The following GALNT9 variants were observed in gnomAD, a reference collection of about 807,000 sequenced individuals.
GALNT9 encodes the protein polypeptide N-acetylgalactosaminyltransferase 9.
GALNT9 carries 47 observed loss-of-function variants against 63.1 expected under a neutral mutation model. The ratio of observed to expected loss-of-function variants is 0.75; its 90% CI spans 0.59 to 0.95. The LOEUF is 0.95. GALNT9 is among the 40% of genes least tolerant of loss of function. GALNT9 has a pLI of 0.00. For missense variants in GALNT9, 829 were observed against 874.8 expected (o/e 0.95, Z 0.66); for synonymous variants, 396 against 365.7 (o/e 1.08, Z -0.94).
At chr12:132,301,392 G>T (rs1242576243) in intron 1 of GALNT9, among the ~76,000 whole-genome samples, 2 of 152,276 alleles carry the variant, frequency 1.3e-5, no homozygotes, top group African/African-American at 4.8e-5. Context: ...CAGAAGTGCT[G>T]CTGTGGTGGG....
chr12:132,277,271 G>A (rs147126375), intron 2 of GALNT9: 135 of 154,948 alleles, frequency 8.7e-4, no homozygotes, highest in African/African-American at 1.8e-3. Context: ...ATCCACCCAC[G>A]TGGGACAAGA....
rs1555243262 is a variant in GALNT9, at chr12:132,296,516, C to T, written c.239-10086G>A. 6.6e-6 allele frequency among the ~76,000 whole-genome samples: 1 copy of T among 152,240 alleles called. No homozygotes were observed. The highest frequency in any genetic ancestry group is 2.4e-5 in the African/African-American group (1 of 41,460). On this transcript the variant is annotated intron_variant, in intron 1 of 10. Transcript: ENST00000328957. The surrounding 1 kb of genome is among the most constrained non-coding windows in gnomAD (Gnocchi z 4.2). ...CAACACTGCAAGCTTGTCATCTTATCCTTGAATAAGATGTAATTTTGAGAA... is the reference window on the plus strand; with the variant it reads ...CAACACTGCAAGCTTGTCATCTTATTCTTGAATAAGATGTAATTTTGAGAA...
At chr12:132,304,051 A>G (rs1289162990) in intron 1 of GALNT9, among the ~76,000 whole-genome samples, 4 of 26,004 alleles carry the variant, frequency 1.5e-4, no homozygotes, top group Admixed American at 4.8e-4. Flanking sequence ...ACACACCCTC[A>G]CCCGGGCACA....
At position 132,282,435 on chromosome 12, in the gene GALNT9, A is replaced by G. The variant is rs541321342; in HGVS notation, c.419+3815T>C. 5.3e-5 allele frequency among the ~76,000 whole-genome samples: 8 copies of G among 152,148 alleles called. No homozygotes were observed. The South Asian group carries it at 1.5e-3, about 28-fold the overall frequency. ...TGCGTGTGTGTGCGTGTGTGCGTGCATGCGTGTGTGTGCGTGTGCATGTGT... is the reference window on the plus strand; with the variant it reads ...TGCGTGTGTGTGCGTGTGTGCGTGCGTGCGTGTGTGTGCGTGTGCATGTGT... On this transcript the variant is annotated intron_variant, in intron 2 of 10. Transcript: ENST00000328957. The surrounding 1 kb of genome is among the most constrained non-coding windows in gnomAD (Gnocchi z 4.5).
At chr12:132,203,756 GGGCCCGTGAGA>G (rs1349625223) in intron 6 of GALNT9, 66 bp from the exon 7 acceptor site, 2 of 1,533,792 alleles carry the variant, frequency 1.3e-6, no homozygotes, top group Non-Finnish European at 1.7e-6. Flanking sequence ...GGCCAGCTAG[GGGCCCGTGAGA>G]GGCCAAGGGG....
intron 1 of GALNT9, among the ~76,000 whole-genome samples, chr12:132,308,400 C>T (rs976884931): frequency 3.3e-5 from 5 of 152,234 alleles, no homozygotes; most frequent in Admixed American, 3.3e-4. Context: ...GACCCCGAAA[C>T]ACCCTGCCCC....
chr12:132,286,286 G>A lies in GALNT9; in HGVS notation c.383C>T (p.Ser128Phe), dbSNP rs1742420525. The A allele has an allele frequency of 1.1e-5, 17 of 1,551,084 alleles. No individual in the cohort carries two copies. Among genetic ancestry groups the A allele is most frequent in the Non-Finnish European group, 1.5e-5 (17 of 1,146,886 alleles). ...GYNAQLSDRI[S>F]LDRSIPDYRP... ...GTAGTCGGGGATGCTCCGATCGAGG[G>A]AGATGCGGTCGCTGAGCTGAGCGTT... Residue 128 changes from serine to phenylalanine, a missense_variant, in exon 2 of 11, where the codon TCC (serine) becomes TTC (phenylalanine). By Grantham distance (155) the Ser-to-Phe change is radical. Coordinates refer to ENST00000328957, the MANE Select transcript of GALNT9 (RefSeq NM_001122636.2). This position sits in a 1 kb window ranked among gnomAD's most constrained non-coding sequence, Gnocchi z 7.4.
chr12:132,310,447 G>A lies in GALNT9; in HGVS notation c.238+18519C>T, dbSNP rs764014622. Among the ~76,000 whole-genome samples, 2 of 152,172 alleles carry A rather than the reference G, an allele frequency of 1.3e-5. No individual in the cohort carries two copies. The highest frequency in any genetic ancestry group is 2.9e-5 in the Non-Finnish European group (2 of 68,028). On this transcript the variant is annotated intron_variant, in intron 1 of 10. Transcript: ENST00000328957. The surrounding 1 kb of genome is among the most constrained non-coding windows in gnomAD (Gnocchi z 4.8). ...ACCCAACAGCCCCACCCAGAAGGAC[G>A]GGGCCGGCCATCTCCTGGAGGCTGA...
intron 10 of GALNT9, among the ~76,000 whole-genome samples, chr12:132,197,509 C>T (rs2135494254): frequency 6.6e-6 from 1 of 152,296 alleles, no homozygotes; most frequent in Non-Finnish European, 1.5e-5. Flanking sequence ...CTAAATCCTC[C>T]CTCTACCCTG....
intron 1 of GALNT9, among the ~76,000 whole-genome samples, chr12:132,322,738 C>T (rs1188944908): frequency 6.6e-6 from 1 of 152,162 alleles, no homozygotes; most frequent in East Asian, 1.9e-4. Context: ...CCTGGTGAGC[C>T]CAGGGGACCG....
chr12:132,197,155 C>T lies in GALNT9; in HGVS notation c.1764G>A (p.Ser588=), dbSNP rs763335985. Residue 588 remains serine (S), a synonymous_variant, in exon 11 of 11, where the codon TCG becomes TCA. Coordinates refer to ENST00000328957, the MANE Select transcript of GALNT9 (RefSeq NM_001122636.2). ...FGLRLVVQRC[S]GQKWMIRNWI... is the part of the protein sequence containing the mutation. Reference sequence around the variant, plus strand: ...AGTTTCTGATCATCCACTTCTGCCCCGAGCACCTCTGTACCACCAGCCGGA... The same window carrying T: ...AGTTTCTGATCATCCACTTCTGCCCTGAGCACCTCTGTACCACCAGCCGGA... The T allele has an allele frequency of 2.5e-5, 40 of 1,614,030 alleles. No homozygotes were observed. The highest frequency in any genetic ancestry group is 1.8e-4 in the South Asian group (16 of 91,090).
chr12:132,239,349 GTCAGAGAC>G (rs1878132822), intron 6 of GALNT9, among the ~76,000 whole-genome samples: 1 of 145,568 alleles, frequency 6.9e-6, no homozygotes, highest in Non-Finnish European at 1.5e-5. Context: ...CAGAGACAGA[GTCAGAGAC>G]AGAGAGAGAG....
intron 5 of GALNT9, among the ~76,000 whole-genome samples, chr12:132,254,180 C>T (rs2135538973): frequency 6.6e-6 from 1 of 152,096 alleles, no homozygotes; most frequent in South Asian, 2.1e-4. Flanking sequence ...TGACACCACG[C>T]CCTGCGAATT....
At chr12:132,317,899 G>A (rs1868596556) in intron 1 of GALNT9, among the ~76,000 whole-genome samples, 1 of 152,230 alleles carries the variant, frequency 6.6e-6, no homozygotes, top group Non-Finnish European at 1.5e-5. Flanking sequence ...GCTCCACAGG[G>A]TCGAGGATGG....
At chr12:132,227,398 C>T (rs895367269) in intron 6 of GALNT9, among the ~76,000 whole-genome samples, 38 of 152,126 alleles carry the variant, frequency 2.5e-4, no homozygotes, top group Admixed American at 9.8e-4. Context: ...CAGCTCCCTC[C>T]GAAGCGTGTG....
intron 7 of GALNT9, among the ~76,000 whole-genome samples, chr12:132,201,614 G>A (rs986242654): frequency 2.0e-5 from 3 of 147,706 alleles, no homozygotes; most frequent in Non-Finnish European, 3.0e-5. Flanking sequence ...CCTGACCTCT[G>A]GAGGGTGGAG....
intron 6 of GALNT9, among the ~76,000 whole-genome samples, chr12:132,243,997 A>T (rs2136906129): frequency 4.6e-5 from 7 of 151,844 alleles, no homozygotes; most frequent in South Asian, 4.2e-4. Flanking sequence ...AGCTTTAGGG[A>T]TGTGTGGTTA....
Position 132,327,954 on chromosome 12 carries a change from C to G in GALNT9, c.238+1012G>C, listed in dbSNP as rs900235037. ...CGCCTGCCCGCGTAACCCCAGCTCC[C>G]GTCACCTCCCACTCGAGCCTGTTAC... On this transcript the variant is annotated intron_variant, in intron 1 of 10. Transcript: ENST00000328957. This position sits in a 1 kb window ranked among gnomAD's most constrained non-coding sequence, Gnocchi z 4.3. Among the ~76,000 whole-genome samples the G allele has an allele frequency of 6.6e-6, 1 of 152,162 alleles. No homozygotes were observed. The highest frequency in any genetic ancestry group is 2.4e-5 in the African/African-American group (1 of 41,446).
intron 6 of GALNT9, among the ~76,000 whole-genome samples, chr12:132,214,175 A>AT (rs1877088426): frequency 6.6e-6 from 1 of 152,082 alleles, no homozygotes. Flanking sequence ...GAGGTCCCTG[A>AT]TGGTGGCTCC....
Sources: gnomAD v4.1 joint callset for allele counts (sites outside exome capture counted in the v4.1 genomes callset) on GRCh38, gnomAD v4.1.1 for gene constraint, Gnocchi (gnomAD v3.1) non-coding constraint, MANE v1.5 for transcripts, NCBI Gene and HGNC (gene_info 2026-07-23, HGNC 2026-07-21) for gene names.